MOCS1: variants seen among roughly 807,000 people sequenced by gnomAD.
The protein encoded by MOCS1 is molybdenum cofactor synthesis 1.
In MOCS1, 39 loss-of-function variants were observed where a neutral mutation model predicts 57.6. The observed-to-expected ratio is 0.68, with a 90% CI of 0.52 to 0.88. MOCS1 has a LOEUF of 0.88. MOCS1 is among the 40% of genes least tolerant of loss of function. The probability of loss-of-function intolerance (pLI) is 0.00; values close to 1 mark genes in which losing one functional copy is unlikely to be tolerated. For missense variants in MOCS1, 795 were observed against 831.1 expected (o/e 0.96, Z 0.53); for synonymous variants, 334 against 335.7 (o/e 1.00, Z 0.05).
Position 39,916,128 on chromosome 6 carries a change from T to A in MOCS1, c.523A>T (p.Ile175Phe). ...ACCAGGGTGTCCAGGCTGATGTTGA[T>A]GGCACTGAGACCAGCCTTCTGAAGC... Reference protein sequence around the residue: ...PQLQKAGLSAINISLDTLVPA... With the variant: ...PQLQKAGLSAFNISLDTLVPA... Residue 175 changes from isoleucine (I) to phenylalanine (F), a missense_variant, in exon 4 of 11, where the codon ATC (isoleucine) becomes TTC (phenylalanine). By Grantham distance (21) the Ile-to-Phe change is conservative. Coordinates refer to ENST00000340692, the MANE Select transcript of MOCS1 (RefSeq NM_001358530.2). The A allele has an allele frequency of 6.2e-7, 1 of 1,613,984 alleles. No individual in the cohort carries two copies.
chr6:39,912,425 G>GT, intron 7 of MOCS1, 51 bp from the exon 8 acceptor site: 9 of 1,296,150 alleles, frequency 6.9e-6, no homozygotes, highest in Non-Finnish European at 9.0e-6. Flanking sequence ...ATGGGCTACT[G>GT]AGCCCAGTTT....
chr6:39,921,244 A>T (rs1767951655), intron 3 of MOCS1, among the ~76,000 whole-genome samples: 1 of 151,404 alleles, frequency 6.6e-6, no homozygotes. Flanking sequence ...CTAAAAATAT[A>T]AAAAATTAGC....
At chr6:39,924,821 G>A (rs1467608716) in intron 3 of MOCS1, among the ~76,000 whole-genome samples, 4 of 152,212 alleles carry the variant, frequency 2.6e-5, no homozygotes, top group Non-Finnish European at 5.9e-5. Flanking sequence ...GCTCACGCCT[G>A]TAATCTCAGC....
At chr6:39,916,001 T>C in intron 4 of MOCS1, 67 bp downstream of exon 4, 1 of 1,530,870 alleles carries the variant, frequency 6.5e-7, no homozygotes, top group Non-Finnish European at 8.9e-7. Flanking sequence ...GGCTCAGCAA[T>C]GGCCATGCCC....
In MOCS1 at chr6:39,905,855, A is replaced by AGGGAGG. The variant is rs1266695681; in HGVS notation, c.*501_*502insCCTCCC. The stretch of plus-strand genomic sequence containing the variant: ...CAGGACAGGGCAGGGCTGCGGCTTC[A>AGGGAGG]CAGACTTAGGGAGGCAGAGCTGCCG... On this transcript the variant is annotated 3_prime_UTR_variant, in exon 11 of 11. Coordinates refer to ENST00000340692, the MANE Select transcript of MOCS1 (RefSeq NM_001358530.2). 13 of 470,530 alleles carry AGGGAGG rather than the reference A, an allele frequency of 2.8e-5. No individual in the cohort carries two copies. The highest frequency in any genetic ancestry group is 5.3e-5 in the Non-Finnish European group (12 of 227,172). 29.1% of individuals were successfully genotyped at this position (470,530 alleles called of 1,614,324 possible). A position where few individuals can be genotyped will look rare whatever the true frequency, so the allele number is the denominator to read the frequency against.
intron 3 of MOCS1, among the ~76,000 whole-genome samples, chr6:39,919,517 C>CAA (rs55990349): frequency 6.8e-6 from 1 of 146,764 alleles, no homozygotes; most frequent in African/African-American, 2.5e-5. Context: ...AAAACAGCAA[C>CAA]AAAAAAAAAA....
In MOCS1 at chr6:39,909,039, C is replaced by T. The variant is rs1767128679; in HGVS notation, c.1150+16G>A. 6.2e-7 allele frequency: 1 copy of T among 1,610,910 alleles called. No individual in the cohort carries two copies. The stretch of plus-strand genomic sequence containing the variant: ...AATGACAAGGGTGAGTGGTTACGTA[C>T]TGATGGGTCACCCACCGATGAGGAT... On this transcript the variant is annotated intron_variant, in intron 10 of 10. Transcript: ENST00000340692.
At chr6:39,914,668 T>C (rs1199902119) in intron 4 of MOCS1, among the ~76,000 whole-genome samples, 1 of 152,168 alleles carries the variant, frequency 6.6e-6, no homozygotes. Flanking sequence ...ATGGCCTCCA[T>C]GGTTTCCTTG....
intron 5 of MOCS1, 41 bp downstream of exon 5, chr6:39,913,733 T>G (rs1490484507): frequency 2.0e-5 from 32 of 1,607,036 alleles, no homozygotes; most frequent in Non-Finnish European, 2.7e-5. Context: ...CAGGGCAGTG[T>G]GGAGGGAAGT....
At chr6:39,928,347 G>C (rs972893798) in intron 1 of MOCS1, among the ~76,000 whole-genome samples, 1 of 152,098 alleles carries the variant, frequency 6.6e-6, no homozygotes, top group Non-Finnish European at 1.5e-5. Context: ...TGTATCTTTA[G>C]TAGAGACGGG....
In MOCS1 at chr6:39,917,235, G is replaced by T. The variant is rs563641045; in HGVS notation, c.419-1003C>A. 1.1e-3 allele frequency among the ~76,000 whole-genome samples: 167 copies of T among 152,292 alleles called. 1 individual carries two copies. The highest frequency in any genetic ancestry group is 2.5e-3 in the Admixed American group (39 of 15,298). ...GGAAACTTACAATCATGGCAGAAGA[G>T]GAAGCAAACACGTCCTTCTTCACAT... On this transcript the variant is annotated intron_variant, in intron 3 of 10. Coordinates refer to ENST00000340692, the MANE Select transcript of MOCS1 (RefSeq NM_001358530.2).
At chr6:39,919,099 A>T (rs1425111582) in intron 3 of MOCS1, among the ~76,000 whole-genome samples, 4 of 152,192 alleles carry the variant, frequency 2.6e-5, no homozygotes, top group African/African-American at 9.7e-5. Flanking sequence ...GTTACGTTGT[A>T]TTCTTTCCCT....
chr6:39,908,986 GCACGGCTCCCAC>G, intron 10 of MOCS1, 57 bp downstream of exon 10: 1 of 1,356,686 alleles, frequency 7.4e-7, no homozygotes. Flanking sequence ...GGTGCCTATG[GCACGGCTCCCAC>G]CCCACGAGAT....
intron 3 of MOCS1, among the ~76,000 whole-genome samples, chr6:39,918,698 C>G (rs1010812945): frequency 2.0e-5 from 3 of 151,904 alleles, no homozygotes; most frequent in Non-Finnish European, 4.4e-5. Context: ...GTAGAGAGAA[C>G]AGTAACAAGA....
At chr6:39,932,088 T>C (rs933487688) in intron 1 of MOCS1, among the ~76,000 whole-genome samples, 29 of 151,958 alleles carry the variant, frequency 1.9e-4, no homozygotes, top group Admixed American at 7.2e-4. Context: ...CCACTTAACC[T>C]CACTTCTCTC....
At chr6:39,913,947 A>G in intron 4 of MOCS1, 112 bp from the exon 5 acceptor site, 4 of 1,078,238 alleles carry the variant, frequency 3.7e-6, no homozygotes, top group Non-Finnish European at 5.6e-6. Context: ...AACGTTTTCT[A>G]AAACAGGCCA....
Position 39,905,142 on chromosome 6 carries a change from C to CAAAG in MOCS1, c.*1211_*1214dup, listed in dbSNP as rs1554187558. The CAAAG allele has an allele frequency of 1.5e-5, 7 of 454,428 alleles. No individual in the cohort carries two copies. Among genetic ancestry groups the CAAAG allele is most frequent in the Admixed American group, 2.3e-5 (1 of 42,582 alleles). The allele number at this position is 454,428 out of a possible 1,614,324, so 28.1% of individuals were successfully genotyped here. ...CAGGCAGGGGGCACCACTGAGGACT[C>CAAAG]AAAGACATCCAAGTTAGAGAGCCCA... is the stretch of plus-strand genomic sequence containing the variant. On this transcript the variant is annotated 3_prime_UTR_variant, in exon 11 of 11. Transcript: ENST00000340692.
intron 3 of MOCS1, among the ~76,000 whole-genome samples, chr6:39,918,552 TG>T (rs1185754766): frequency 6.6e-6 from 1 of 152,162 alleles, no homozygotes; most frequent in Non-Finnish European, 1.5e-5. Context: ...TTAAGGAAAG[TG>T]GGAAATAATC....
At chr6:39,925,631 G>A (rs762448557) in intron 3 of MOCS1, 47 bp downstream of exon 3, 14 of 1,609,590 alleles carry the variant, frequency 8.7e-6, no homozygotes, top group Non-Finnish European at 1.2e-5. Context: ...TGTCCAGCCG[G>A]ATGAGGCAGC....
Sources: gnomAD v4.1 joint callset for allele counts (sites outside exome capture counted in the v4.1 genomes callset) on GRCh38, gnomAD v4.1.1 for gene constraint, MANE v1.5 for transcripts, NCBI Gene and HGNC (gene_info 2026-07-23, HGNC 2026-07-21) for gene names.